Variants in INPPL1 observed in about 807,000 individuals in gnomAD.
INPPL1 encodes inositol polyphosphate phosphatase like 1, also known as phosphatidylinositol 3,4,5-trisphosphate 5-phosphatase 2.
In INPPL1, 91 loss-of-function variants were observed where a neutral mutation model predicts 139.3. The observed-to-expected ratio is 0.65, with a 90% confidence interval of 0.55 to 0.78. INPPL1 has a LOEUF of 0.78. Among genes scored for constraint, INPPL1 ranks in the 30% least tolerant of loss-of-function variants. The pLI is 0.00. For missense variants in INPPL1, 1,411 were observed against 1,665.6 expected (o/e 0.85, Z 2.66); for synonymous variants, 719 against 686.6 (o/e 1.05, Z -0.74).
In INPPL1 at chr11:72,238,097, C is replaced by CATA; in HGVS notation, c.3608_3609insATA (p.Ala1203_Trp1204insTyr). 2 of 1,581,868 alleles carry CATA rather than the reference C, an allele frequency of 1.3e-6. No homozygotes were observed. The highest frequency in any genetic ancestry group is 1.7e-6 in the Non-Finnish European group (2 of 1,163,672). On this transcript the variant is annotated inframe_insertion, in exon 27 of 28. Transcript: ENST00000298229. ...GGGCTGGGCGAGGCAGGCATGAGTG[C>CATA]CTGGCTGCGGGCCATCGGCTTGGAG...
chr11:72,231,125 AC>A lies in INPPL1; in HGVS notation c.1435del (p.Arg479AlafsTer52). ...GGGACCCAGGAGAACTCAGTGGGCG[AC>A]CGCGAGTGGCTGGACCTACTGCGCG... The part of the protein sequence containing the change: ...VFGTQENSVG[D>X]REWLDLLRGG... On this transcript the variant is annotated frameshift_variant, in exon 12 of 28. Transcript: ENST00000298229. LOFTEE classifies it high-confidence loss of function. 6.2e-7 allele frequency: 1 copy of A among 1,613,762 alleles called. No homozygotes were observed.
In INPPL1 at chr11:72,235,099, G is replaced by T; in HGVS notation, c.2416-17G>T. ...GTGGCGGGGCTTTGTTCCTCACTGG[G>T]CCTCCCTGCTTCCCAGCTCAAACCA... On this transcript the variant is annotated splice_polypyrimidine_tract_variant and intron_variant, in intron 21 of 27. Coordinates refer to ENST00000298229, the MANE Select transcript of INPPL1 (RefSeq NM_001567.4). This position sits in a 1 kb window ranked among gnomAD's most constrained non-coding sequence, Gnocchi z 4.9. The T allele has an allele frequency of 6.2e-7, 1 of 1,609,372 alleles. No homozygotes were observed. The highest frequency in any genetic ancestry group is 8.5e-7 in the Non-Finnish European group (1 of 1,176,756).
At chr11:72,227,942 T>C in intron 1 of INPPL1, 2 of 534,644 alleles carry the variant, frequency 3.7e-6, no homozygotes. Flanking sequence ...TGCCCTGTGG[T>C]GGGTGTGGAG....
chr11:72,235,783 G>A lies in INPPL1; in HGVS notation c.2738+30G>A. 6.2e-7 allele frequency: 1 copy of A among 1,613,978 alleles called. No individual in the cohort carries two copies. The highest frequency in any genetic ancestry group is 8.5e-7 in the Non-Finnish European group (1 of 1,179,948). ...GCTAGGGCTGTGTTGAATGTCATAT[G>A]AAAGGGTACCTGGGGGCATCTGGTC... On this transcript the variant is annotated intron_variant, in intron 24 of 27. Transcript: ENST00000298229. This position sits in a 1 kb window ranked among gnomAD's most constrained non-coding sequence, Gnocchi z 4.9.
Position 72,228,495 on chromosome 11 carries a change from T to C in INPPL1, c.394T>C (p.Ser132Pro). Residue 132 changes from serine to proline, a missense_variant, in exon 3 of 28, where the codon TCA (serine) becomes CCA (proline). This residue lies in a region of INPPL1 where 504 missense variants were observed against 595.6 expected (regional missense o/e 0.85). Coordinates refer to ENST00000298229, the MANE Select transcript of INPPL1 (RefSeq NM_001567.4). This position sits in a 1 kb window ranked among gnomAD's most constrained non-coding sequence, Gnocchi z 5.0. ...GGACCCACCGGATGACCGGGATGCC[T>C]CAGGTACTTCCCAGTGTGCAGGTCC... is the stretch of plus-strand genomic sequence containing the variant. Reference protein sequence around the residue: ...EPDPPDDRDASDGEDEKPPLP... With the variant: ...EPDPPDDRDAPDGEDEKPPLP... 1 of 1,605,854 alleles carries C rather than the reference T, an allele frequency of 6.2e-7. No homozygotes were observed. Among genetic ancestry groups the C allele is most frequent in the Non-Finnish European group, 8.5e-7 (1 of 1,179,926 alleles).
At position 72,235,480 on chromosome 11, in the gene INPPL1, G is replaced by T. The variant is rs759182750; in HGVS notation, c.2659+29G>T. The T allele has an allele frequency of 6.2e-7, 1 of 1,607,838 alleles. No homozygotes were observed. The highest frequency in any genetic ancestry group is 1.7e-5 in the Admixed American group (1 of 59,080). ...GGGACTCCACTGGGACATGAGATAGGGTGGTGTGAACAGATCAAGGAGGGC... is the reference window on the plus strand; with the variant it reads ...GGGACTCCACTGGGACATGAGATAGTGTGGTGTGAACAGATCAAGGAGGGC... On this transcript the variant is annotated intron_variant, in intron 23 of 27. Coordinates refer to ENST00000298229, the MANE Select transcript of INPPL1 (RefSeq NM_001567.4). The surrounding 1 kb of genome is among the most constrained non-coding windows in gnomAD (Gnocchi z 4.9).
rs1464980666 is a variant in INPPL1, at chr11:72,238,307, C to T, written c.3731C>T (p.Pro1244Leu). 3 of 1,597,642 alleles carry T rather than the reference C, an allele frequency of 1.9e-6. No individual in the cohort carries two copies. The highest frequency in any genetic ancestry group is 2.6e-6 in the Non-Finnish European group (3 of 1,173,170). Residue 1244 changes from proline (P) to leucine (L), a missense_variant, in exon 28 of 28, where the codon CCG becomes CTG. Coordinates refer to ENST00000298229, the MANE Select transcript of INPPL1 (RefSeq NM_001567.4). ...EDLEEAGVQD[P>L]AHKRLLLDTL... ...TTGGAGGAGGCTGGGGTGCAGGACC[C>T]GGCTCACAAGCGCCTCCTTCTGGAC...
Position 72,231,672 on chromosome 11 carries a change from G to A in INPPL1, c.1615+57G>A, listed in dbSNP as rs149853148. 2,218 of 1,253,072 alleles carry A rather than the reference G, an allele frequency of 1.8e-3. 36 individuals carry two copies. The African/African-American group carries it at 0.029, about 16-fold the overall frequency. The allele number at this position is 1,253,072 out of a possible 1,614,324, so 77.6% of individuals were successfully genotyped here. A position where few individuals can be genotyped will look rare whatever the true frequency, so the allele number is the denominator to read the frequency against. On this transcript the variant is annotated intron_variant, in intron 13 of 27. Coordinates refer to ENST00000298229, the MANE Select transcript of INPPL1 (RefSeq NM_001567.4). ...CAGCGTCTCTCTGTCCATGGCTTCT[G>A]CTTCCTCTCAAGCCTAGGATTGCCC...
At position 72,235,774 on chromosome 11, in the gene INPPL1, A is replaced by G; in HGVS notation, c.2738+21A>G. On this transcript the variant is annotated intron_variant, in intron 24 of 27. Transcript: ENST00000298229. This position sits in a 1 kb window ranked among gnomAD's most constrained non-coding sequence, Gnocchi z 4.9. ...CCCAGGTGAGCTAGGGCTGTGTTGAATGTCATATGAAAGGGTACCTGGGGG... is the reference window on the plus strand; with the variant it reads ...CCCAGGTGAGCTAGGGCTGTGTTGAGTGTCATATGAAAGGGTACCTGGGGG... The G allele has an allele frequency of 1.2e-6, 2 of 1,613,952 alleles. No individual in the cohort carries two copies. Among genetic ancestry groups the G allele is most frequent in the Non-Finnish European group, 1.7e-6 (2 of 1,179,930 alleles).
At chr11:72,237,984 A>G (rs1179927959) in intron 26 of INPPL1, 58 bp from the exon 27 acceptor site, 1 of 1,498,288 alleles carries the variant, frequency 6.7e-7, no homozygotes, top group Non-Finnish European at 8.9e-7. Context: ...GCAGAATGTG[A>G]CTGCAGGTGT....
intron 1 of INPPL1, among the ~76,000 whole-genome samples, chr11:72,227,717 G>T (rs1412168266): frequency 1.3e-5 from 2 of 152,214 alleles, no homozygotes; most frequent in Admixed American, 1.3e-4. Flanking sequence ...CGGCACAAGT[G>T]CCCTAGACAT....
chr11:72,234,518 C>G lies in INPPL1; in HGVS notation c.2327-9C>G. On this transcript the variant is annotated splice_polypyrimidine_tract_variant and intron_variant, in intron 20 of 27. Transcript: ENST00000298229. The surrounding 1 kb of genome is among the most constrained non-coding windows in gnomAD (Gnocchi z 4.2). Reference sequence around the variant, plus strand: ...GTGCTCAGTTGGGTGTCTCCCACCCCCACCCCAGAATACAAGAAGAGCTTT... The same window carrying G: ...GTGCTCAGTTGGGTGTCTCCCACCCGCACCCCAGAATACAAGAAGAGCTTT... The G allele has an allele frequency of 6.2e-7, 1 of 1,603,908 alleles. No individual in the cohort carries two copies. The highest frequency in any genetic ancestry group is 8.5e-7 in the Non-Finnish European group (1 of 1,170,888).
At position 72,238,306 on chromosome 11, in the gene INPPL1, C is replaced by T. The variant is rs753650763; in HGVS notation, c.3730C>T (p.Pro1244Ser). 1 of 1,598,584 alleles carries T rather than the reference C, an allele frequency of 6.3e-7. No individual in the cohort carries two copies. Among genetic ancestry groups the T allele is most frequent in the Non-Finnish European group, 8.5e-7 (1 of 1,173,638 alleles). ...EDLEEAGVQDPAHKRLLLDTL... is the reference protein window; with the variant it reads ...EDLEEAGVQDSAHKRLLLDTL... ...CTTGGAGGAGGCTGGGGTGCAGGAC[C>T]CGGCTCACAAGCGCCTCCTTCTGGA... The change falls in exon 28 of 28, where the codon CCG (proline) becomes TCG (serine). Residue 1244 changes from proline (P) to serine (S), a missense_variant. This residue lies in a region of INPPL1 where 438 missense variants were observed against 425.7 expected (regional missense o/e 1.03). Transcript: ENST00000298229.
chr11:72,233,620 C>A, intron 18 of INPPL1, 35 bp from the exon 19 acceptor site: 2 of 1,604,616 alleles, frequency 1.2e-6, no homozygotes, highest in Admixed American at 1.7e-5. Flanking sequence ...TGGGAATATT[C>A]CCCCTGAGTC....
Position 72,229,497 on chromosome 11 carries a change from TC to T in INPPL1, c.694del (p.Leu232CysfsTer13). The part of the protein sequence containing the change: ...EVDKVLSGLE[I>X]LSKVFDQQSS... ...GACAAGGTCCTGTCAGGCCTGGAGA[TC>T]CTGTCCAAGGTGTTTGACCAGCAGA... On this transcript the variant is annotated frameshift_variant, in exon 6 of 28. Coordinates refer to ENST00000298229, the MANE Select transcript of INPPL1 (RefSeq NM_001567.4). LOFTEE classifies it high-confidence loss of function. 3 of 1,614,158 alleles carry T rather than the reference TC, an allele frequency of 1.9e-6. No homozygotes were observed. Among genetic ancestry groups the T allele is most frequent in the Non-Finnish European group, 2.5e-6 (3 of 1,180,022 alleles).
Position 72,229,994 on chromosome 11 carries a change from A to G in INPPL1, c.914A>G (p.Lys305Arg), listed in dbSNP as rs751295151. The G allele has an allele frequency of 1.9e-6, 3 of 1,614,222 alleles. No homozygotes were observed. Among genetic ancestry groups the G allele is most frequent in the Admixed American group, 1.7e-5 (1 of 60,036 alleles). Reference sequence around the variant, plus strand: ...CCGCAGCCATCCACACGTAAGGCCAAGACCATCCCCGTGCAGGCCTTTGAG... The same window carrying G: ...CCGCAGCCATCCACACGTAAGGCCAGGACCATCCCCGTGCAGGCCTTTGAG... ...PAPQPSTRKA[K>R]TIPVQAFEVK... Residue 305 changes from lysine (K) to arginine (R), a missense_variant, in exon 8 of 28, where the codon AAG becomes AGG. Transcript: ENST00000298229.
chr11:72,237,847 A>T (rs1454603865), intron 26 of INPPL1, 51 bp downstream of exon 26: 4 of 1,536,046 alleles, frequency 2.6e-6, no homozygotes, highest in Non-Finnish European at 3.5e-6. Flanking sequence ...GCTTGCCCAC[A>T]GACTGGTACC....
At chr11:72,231,366 C>G in intron 12 of INPPL1, 132 bp from the exon 13 acceptor site, 1 of 929,610 alleles carries the variant, frequency 1.1e-6, no homozygotes, top group Admixed American at 1.9e-5. Flanking sequence ...AACCATTTCT[C>G]TCCAGTCCGT....
Position 72,238,114 on chromosome 11 carries a change from G to A in INPPL1, c.3625G>A (p.Gly1209Ser), listed in dbSNP as rs1446977425. Residue 1209 changes from glycine (G) to serine (S), a missense_variant, in exon 27 of 28, where the codon GGC (glycine) becomes AGC (serine). By Grantham distance (56) the Gly-to-Ser change is moderately conservative. Around this residue, in one of 5 missense-constraint regions of INPPL1, gnomAD observed 438 missense variants for 425.7 expected, o/e 1.03. Coordinates refer to ENST00000298229, the MANE Select transcript of INPPL1 (RefSeq NM_001567.4). Reference protein sequence around the residue: ...AGMSAWLRAIGLERYEEGLVH... With the variant: ...AGMSAWLRAISLERYEEGLVH... ...CATGAGTGCCTGGCTGCGGGCCATC[G>A]GCTTGGAGCGCTATGAGGAGGGCCT... 6 of 1,580,072 alleles carry A rather than the reference G, an allele frequency of 3.8e-6. No individual in the cohort carries two copies. The African/African-American group carries it at 4.0e-5, about 11-fold the overall frequency.
Sources: gnomAD v4.1 joint callset for allele counts (sites outside exome capture counted in the v4.1 genomes callset) on GRCh38, gnomAD v4.1.1 for gene constraint, gnomAD v4.1.1 regional missense constraint, Gnocchi (gnomAD v3.1) non-coding constraint, MANE v1.5 for transcripts, NCBI Gene and HGNC (gene_info 2026-07-23, HGNC 2026-07-21) for gene names.